The following GPR158 variants were observed in gnomAD, a reference collection of about 807,000 sequenced individuals.
GPR158 encodes the protein G protein-coupled receptor 158.
Under a neutral mutation model 78.2 loss-of-function variants are expected in GPR158, and 30 were observed. The observed-to-expected ratio is 0.38, with a 90% CI of 0.29 to 0.52. GPR158 has a LOEUF of 0.52. Ranked by LOEUF, GPR158 falls within the 20% of genes least tolerant of loss-of-function variation. GPR158 has a pLI of 0.83. For missense variants in GPR158, 1,463 were observed against 1,523.5 expected (o/e 0.96, Z 0.66); for synonymous variants, 581 against 591.1 (o/e 0.98, Z 0.25).
chr10:25,182,103 A>T (rs1048319835), intron 1 of GPR158, among the ~76,000 whole-genome samples: 1 of 152,128 alleles, frequency 6.6e-6, no homozygotes, highest in Non-Finnish European at 1.5e-5. Flanking sequence ...GAACATGTTC[A>T]TATGTTCCAT....
chr10:25,585,964 C>A (rs1042285273), intron 7 of GPR158, among the ~76,000 whole-genome samples: 1 of 151,958 alleles, frequency 6.6e-6, no homozygotes, highest in Non-Finnish European at 1.5e-5. Context: ...GGGTGACAGA[C>A]CAAGACCCTG....
At chr10:25,444,442 TTGAG>T (rs755322136) in intron 4 of GPR158, among the ~76,000 whole-genome samples, 3 of 150,628 alleles carry the variant, frequency 2.0e-5, no homozygotes, top group Non-Finnish European at 4.4e-5. Flanking sequence ...TATGTGGTGT[TTGAG>T]TGTGAGTGTA....
At chr10:25,534,152 T>C (rs1169381543) in intron 5 of GPR158, among the ~76,000 whole-genome samples, 1 of 152,210 alleles carries the variant, frequency 6.6e-6, no homozygotes, top group African/African-American at 2.4e-5. Flanking sequence ...CACATGCTTT[T>C]CTTCTCTATA....
In GPR158 at chr10:25,524,289, G is replaced by A. The variant is rs529021770; in HGVS notation, c.1405-26687G>A. On this transcript the variant is annotated intron_variant, in intron 5 of 10. Coordinates refer to ENST00000376351, the MANE Select transcript of GPR158 (RefSeq NM_020752.3). The stretch of plus-strand genomic sequence containing the variant: ...TCTTTTTGTTAAAATTTCCAAGCTC[G>A]TTCTAAAATGTATATGGACACGCAA... Among the ~76,000 whole-genome samples the A allele has an allele frequency of 7.9e-5, 12 of 152,220 alleles. No homozygotes were observed. The South Asian group carries it at 8.3e-4, about 11-fold the overall frequency.
At position 25,551,061 on chromosome 10, in the gene GPR158, G is replaced by C. The variant is rs1434657821; in HGVS notation, c.1490G>C (p.Gly497Ala). ...CTTCTCGGTTTTGCTACTGTTTACG[G>C]AACTGTCACTCTCAAACTTCACAGG... ...ARLLGFATVY[G>A]TVTLKLHRVL... Residue 497 changes from glycine to alanine, a missense_variant, in exon 6 of 11, where the codon GGA becomes GCA. By Grantham distance (60) the Gly-to-Ala change is moderately conservative. Coordinates refer to ENST00000376351, the MANE Select transcript of GPR158 (RefSeq NM_020752.3). The C allele has an allele frequency of 6.3e-7, 1 of 1,592,860 alleles. No homozygotes were observed. The highest frequency in any genetic ancestry group is 2.2e-5 in the East Asian group (1 of 44,722).
intron 5 of GPR158, among the ~76,000 whole-genome samples, chr10:25,538,159 A>C (rs926619475): frequency 1.3e-5 from 2 of 152,178 alleles, no homozygotes; most frequent in Non-Finnish European, 2.9e-5. Flanking sequence ...TTTGCTCATA[A>C]GGATATCAGG....
intron 7 of GPR158, among the ~76,000 whole-genome samples, chr10:25,582,466 T>C (rs997182674): frequency 3.3e-5 from 5 of 152,188 alleles, no homozygotes; most frequent in African/African-American, 7.2e-5. Context: ...AAAAAATATC[T>C]TGGTCCCCAT....
intron 5 of GPR158, among the ~76,000 whole-genome samples, chr10:25,496,855 G>T (rs761309865): frequency 6.6e-6 from 1 of 152,180 alleles, no homozygotes; most frequent in Non-Finnish European, 1.5e-5. Context: ...AACATTACTA[G>T]CAGTGAGGAA....
chr10:25,249,374 A>T (rs1372285678), intron 2 of GPR158, among the ~76,000 whole-genome samples: 1 of 152,222 alleles, frequency 6.6e-6, no homozygotes, highest in African/African-American at 2.4e-5. Context: ...GAGGGAGGGC[A>T]TCCCTGTCTT....
At position 25,538,567 on chromosome 10, in the gene GPR158, A is replaced by G. The variant is rs74881300; in HGVS notation, c.1405-12409A>G. 1.6e-3 allele frequency among the ~76,000 whole-genome samples: 240 copies of G among 152,298 alleles called. 1 individual carries two copies. The highest frequency in any genetic ancestry group is 5.6e-3 in the African/African-American group (233 of 41,564). ...TTATTCATAGGTGTGATTATCACACATTATAGCCTCGAACTCCTGGCCGTA... is the reference window on the plus strand; with the variant it reads ...TTATTCATAGGTGTGATTATCACACGTTATAGCCTCGAACTCCTGGCCGTA... On this transcript the variant is annotated intron_variant, in intron 5 of 10. Transcript: ENST00000376351.
At chr10:25,219,705 A>G (rs376155104) in intron 1 of GPR158, among the ~76,000 whole-genome samples, 1 of 152,174 alleles carries the variant, frequency 6.6e-6, no homozygotes, top group Non-Finnish European at 1.5e-5. Context: ...GAAAAAATAA[A>G]TGATTTATTC....
chr10:25,241,290 T>TTTCC (rs1228715082), intron 2 of GPR158, among the ~76,000 whole-genome samples: 1 of 94,866 alleles, frequency 1.1e-5, no homozygotes, highest in African/African-American at 4.2e-5. Context: ...CTTTCTTTTC[T>TTTCC]TTTCTTTTCT....
At chr10:25,550,523 T>C (rs2130711914) in intron 5 of GPR158, among the ~76,000 whole-genome samples, 1 of 152,240 alleles carries the variant, frequency 6.6e-6, no homozygotes, top group African/African-American at 2.4e-5. Flanking sequence ...CCTCACTTGT[T>C]CGTTTTGGAC....
At chr10:25,246,112 T>G (rs530795293) in intron 2 of GPR158, among the ~76,000 whole-genome samples, 2 of 152,202 alleles carry the variant, frequency 1.3e-5, no homozygotes, top group African/African-American at 4.8e-5. Flanking sequence ...GGTGAATGAG[T>G]TTCCCTAGAC....
Position 25,176,347 on chromosome 10 carries a change from G to A in GPR158, c.902+25G>A, listed in dbSNP as rs1488972140. On this transcript the variant is annotated intron_variant, in intron 1 of 10. Coordinates refer to ENST00000376351, the MANE Select transcript of GPR158 (RefSeq NM_020752.3). This position sits in a 1 kb window ranked among gnomAD's most constrained non-coding sequence, Gnocchi z 6.3. The stretch of plus-strand genomic sequence containing the variant: ...GGTAGGGAGGGCCGGGGGGCAGGGG[G>A]GAAGGCAAAAGCGAAGCTTTCCTTC... 3 of 1,527,470 alleles carry A rather than the reference G, an allele frequency of 2.0e-6. No homozygotes were observed. Among genetic ancestry groups the A allele is most frequent in the East Asian group, 2.3e-5 (1 of 44,148 alleles). The allele number at this position is 1,527,470 out of a possible 1,614,324, so 94.6% of individuals were successfully genotyped here.
At chr10:25,369,179 C>T (rs1833952488) in intron 2 of GPR158, among the ~76,000 whole-genome samples, 1 of 151,248 alleles carries the variant, frequency 6.6e-6, no homozygotes, top group South Asian at 2.1e-4. Context: ...TGCCTAATTG[C>T]CCTGGCCAGA....
intron 2 of GPR158, among the ~76,000 whole-genome samples, chr10:25,237,444 A>G (rs1853539664): frequency 1.3e-5 from 2 of 152,248 alleles, no homozygotes; most frequent in African/African-American, 4.8e-5. Context: ...GGGAATGTCT[A>G]TCATCATACA....
At chr10:25,489,544 T>A (rs1339881850) in intron 5 of GPR158, among the ~76,000 whole-genome samples, 1 of 152,178 alleles carries the variant, frequency 6.6e-6, no homozygotes. Context: ...TACAAAGGTT[T>A]CACACTAGAA....
At chr10:25,256,348 G>A (rs1331827012) in intron 2 of GPR158, among the ~76,000 whole-genome samples, 1 of 152,136 alleles carries the variant, frequency 6.6e-6, no homozygotes, top group East Asian at 1.9e-4. Context: ...GGTAGAAACT[G>A]ATCTTTAAAA....
Sources: allele counts gnomAD v4.1 joint callset (sites outside exome capture counted in the v4.1 genomes callset), GRCh38; gene constraint gnomAD v4.1.1; non-coding constraint Gnocchi (gnomAD v3.1); transcripts MANE v1.5; gene names NCBI Gene and HGNC (gene_info 2026-07-23, HGNC 2026-07-21).